The following EPS8L3 variants were observed in gnomAD, a reference collection of about 807,000 sequenced individuals.
The protein encoded by EPS8L3 is epidermal growth factor receptor kinase substrate 8-like protein 3.
EPS8L3 carries 80 observed loss-of-function variants against 88.5 expected under a neutral mutation model. That is an observed-to-expected ratio of 0.90 (90% CI 0.75 to 1.09). The LOEUF is 1.09. Ranked by LOEUF, EPS8L3 falls within the 50% of genes least tolerant of loss-of-function variation. EPS8L3 has a pLI of 0.00. For missense variants in EPS8L3, 721 were observed against 735.2 expected (o/e 0.98, Z 0.22); for synonymous variants, 286 against 291.0 (o/e 0.98, Z 0.18).
rs1215811221 is a variant in EPS8L3, at chr1:109,750,377, G to C, written c.*14C>G. ...TCAGCGGGGCCTGGTTCTTGGAGGT[G>C]TCTAAGCTGGTGCCTAAGGGCTTAT... On this transcript the variant is annotated 3_prime_UTR_variant, in exon 19 of 19. Coordinates refer to ENST00000361965, the MANE Select transcript of EPS8L3 (RefSeq NM_133181.4). The C allele has an allele frequency of 1.2e-6, 2 of 1,613,628 alleles. No homozygotes were observed. Among genetic ancestry groups the C allele is most frequent in the African/African-American group, 2.7e-5 (2 of 74,924 alleles).
At chr1:109,756,365 A>T (rs1207731844) in intron 12 of EPS8L3, among the ~76,000 whole-genome samples, 1 of 152,156 alleles carries the variant, frequency 6.6e-6, no homozygotes, top group Non-Finnish European at 1.5e-5. Flanking sequence ...CAGCCTCCCA[A>T]GTAGCTGGGT....
At position 109,759,732 on chromosome 1, in the gene EPS8L3, G is replaced by A. The variant is rs1004171003; in HGVS notation, c.201C>T (p.Asp67=). Residue 67 remains aspartate, a synonymous_variant, in exon 4 of 19, where the codon GAC becomes GAT. Transcript: ENST00000361965. This position sits in a 1 kb window ranked among gnomAD's most constrained non-coding sequence, Gnocchi z 4.2. ...AGCCGTCCCTGACCTGCAGGATCAA[G>A]TCTTGGCTCCACACCCGGCCCTGTG... ...MDAQGRVWSQ[D]LILQVRDGWL... 3 of 1,614,128 alleles carry A rather than the reference G, an allele frequency of 1.9e-6. No individual in the cohort carries two copies. Among genetic ancestry groups the A allele is most frequent in the Middle Eastern group, 1.6e-4 (1 of 6,062 alleles).
intron 6 of EPS8L3, among the ~76,000 whole-genome samples, 158 bp from the exon 7 acceptor site, chr1:109,758,821 C>T (rs1391529416): frequency 2.6e-5 from 4 of 152,118 alleles, no homozygotes; most frequent in Non-Finnish European, 4.4e-5. Context: ...CTGACTCCAC[C>T]CTGCCTCATC....
chr1:109,759,667 G>T lies in EPS8L3; in HGVS notation c.255+11C>A. The stretch of plus-strand genomic sequence containing the variant: ...AGGCTGGCTATCACTGGGTTTGCTG[G>T]GAAGGCTGACCTTGGTCTCAATGTC... On this transcript the variant is annotated intron_variant, in intron 4 of 18. Transcript: ENST00000361965. The surrounding 1 kb of genome is among the most constrained non-coding windows in gnomAD (Gnocchi z 4.2). 6.2e-7 allele frequency: 1 copy of T among 1,612,612 alleles called. No homozygotes were observed.
At chr1:109,755,235 G>A (rs983781309) in intron 12 of EPS8L3, among the ~76,000 whole-genome samples, 1 of 152,184 alleles carries the variant, frequency 6.6e-6, no homozygotes, top group African/African-American at 2.4e-5. Flanking sequence ...AAGGGTTGAG[G>A]AGTGGGTAAT....
intron 14 of EPS8L3, 126 bp from the exon 15 acceptor site, chr1:109,752,319 G>A (rs756676660): frequency 2.1e-6 from 2 of 965,990 alleles, no homozygotes; most frequent in Non-Finnish European, 3.1e-6. Flanking sequence ...TTTCTTTAGA[G>A]TTTGCTGGCA....
Position 109,758,569 on chromosome 1 carries a change from G to A in EPS8L3, c.556C>T (p.Pro186Ser). The A allele has an allele frequency of 6.2e-7, 1 of 1,613,156 alleles. No homozygotes were observed. The highest frequency in any genetic ancestry group is 8.5e-7 in the Non-Finnish European group (1 of 1,179,428). ...TGGGGCTGTTCTGGAGGGATCCCCGGCTCCAGATAGCGTGCCTGCTCCATA... is the reference window on the plus strand; with the variant it reads ...TGGGGCTGTTCTGGAGGGATCCCCGACTCCAGATAGCGTGCCTGCTCCATA... ...LPMEQARYLEPGIPPEQPHQR... is the reference protein window; with the variant it reads ...LPMEQARYLESGIPPEQPHQR... Residue 186 changes from proline (P) to serine (S), a missense_variant, in exon 7 of 19, where the codon CCG becomes TCG. By Grantham distance (74) the Pro-to-Ser change is moderately conservative. Coordinates refer to ENST00000361965, the MANE Select transcript of EPS8L3 (RefSeq NM_133181.4).
Position 109,752,727 on chromosome 1 carries a change from G to C in EPS8L3, c.1201-7C>G. On this transcript the variant is annotated splice_region_variant and splice_polypyrimidine_tract_variant and intron_variant, in intron 13 of 18. Transcript: ENST00000361965. ...CCTGGTATCCTAAGGGTGCCTGTAAGGGACAGAACAGAGAGTGAGTAAGAG... is the reference window on the plus strand; with the variant it reads ...CCTGGTATCCTAAGGGTGCCTGTAACGGACAGAACAGAGAGTGAGTAAGAG... The C allele has an allele frequency of 2.6e-6, 4 of 1,551,964 alleles. No individual in the cohort carries two copies. The South Asian group carries it at 4.8e-5, about 18-fold the overall frequency.
intron 3 of EPS8L3, chr1:109,761,245 A>C: frequency 1.3e-5 from 6 of 470,662 alleles, no homozygotes; most frequent in Non-Finnish European, 2.3e-5. Flanking sequence ...CTGTCTGGGG[A>C]CAGGACACTC....
chr1:109,751,484 G>T, intron 16 of EPS8L3, 133 bp from the exon 17 acceptor site: 1 of 1,354,680 alleles, frequency 7.4e-7, no homozygotes, highest in South Asian at 1.3e-5. Flanking sequence ...GTCTGGCAGG[G>T]AGCTGGTCTT....
At position 109,757,070 on chromosome 1, in the gene EPS8L3, G is replaced by T. The variant is rs1481022562; in HGVS notation, c.1065C>A (p.Ser355Arg). 6.2e-7 allele frequency: 1 copy of T among 1,614,200 alleles called. No individual in the cohort carries two copies. Among genetic ancestry groups the T allele is most frequent in the Non-Finnish European group, 8.5e-7 (1 of 1,180,036 alleles). ...KAINLLQSCL[S>R]PPESNLWMGL... is the part of the protein sequence containing the mutation. ...CCATCCAAAGGTTACTCTCAGGTGG[G>T]CTTAGACAGGACTGTAGCAGGTTGA... The change falls in exon 12 of 19, where the codon AGC becomes AGA. Residue 355 changes from serine to arginine, a missense_variant. By Grantham distance (110) the Ser-to-Arg change is moderately radical. Coordinates refer to ENST00000361965, the MANE Select transcript of EPS8L3 (RefSeq NM_133181.4).
At chr1:109,760,929 T>G (rs1277853991) in intron 3 of EPS8L3, among the ~76,000 whole-genome samples, 1 of 152,136 alleles carries the variant, frequency 6.6e-6, no homozygotes, top group African/African-American at 2.4e-5. Flanking sequence ...AATCTTGCAG[T>G]GCCTGCATCA....
At chr1:109,760,939 A>G (rs1650859481) in intron 3 of EPS8L3, among the ~76,000 whole-genome samples, 1 of 151,982 alleles carries the variant, frequency 6.6e-6, no homozygotes, top group Admixed American at 6.6e-5. Context: ...TGCCTGCATC[A>G]TCCTCCCTGG....
intron 3 of EPS8L3, 36 bp downstream of exon 3, chr1:109,761,459 A>G: frequency 1.9e-6 from 3 of 1,581,136 alleles, no homozygotes; most frequent in Non-Finnish European, 2.6e-6. Context: ...ACTTGGGTTT[A>G]GTTGGACACT....
Position 109,759,098 on chromosome 1 carries a change from C to T in EPS8L3, c.425G>A (p.Ser142Asn), listed in dbSNP as rs1650614861. 2.5e-6 allele frequency: 4 copies of T among 1,610,786 alleles called. No individual in the cohort carries two copies. In the African/African-American group the frequency reaches 4.0e-5, roughly 16 times the overall value. ...CTCTTCCTCCAGAGCCTTCTGCAGG[C>T]TGGTCTTCAGTCGCTCTGCCTGGGA... is the stretch of plus-strand genomic sequence containing the variant. ...QEVGAERLKT[S>N]LQKALEEELE... Residue 142 changes from serine (S) to asparagine (N), a missense_variant, in exon 6 of 19, where the codon AGC becomes AAC. Ser to Asn is a conservative substitution (Grantham distance 46, BLOSUM62 1). Transcript: ENST00000361965. The surrounding 1 kb of genome is among the most constrained non-coding windows in gnomAD (Gnocchi z 4.2).
intron 15 of EPS8L3, 85 bp downstream of exon 15, chr1:109,751,910 C>G: frequency 6.4e-7 from 1 of 1,564,968 alleles, no homozygotes; most frequent in Non-Finnish European, 8.7e-7. Context: ...ACCTTGGCAG[C>G]TCCATCCCTG....
intron 11 of EPS8L3, 55 bp from the exon 12 acceptor site, chr1:109,757,220 G>A (rs1451650429): frequency 6.6e-7 from 1 of 1,515,382 alleles, no homozygotes; most frequent in African/African-American, 1.4e-5. Flanking sequence ...GGCCCAGTGA[G>A]GGTGGGAAAG....
chr1:109,761,668 T>C lies in EPS8L3; in HGVS notation c.31+51A>G, dbSNP rs572984923. On this transcript the variant is annotated intron_variant, in intron 2 of 18. Transcript: ENST00000361965. ...GGAAGGGGGAGTGGAGGATGGGACATTCTGGGGGCTCAGTGGGAGGGCACG... is the reference window on the plus strand; with the variant it reads ...GGAAGGGGGAGTGGAGGATGGGACACTCTGGGGGCTCAGTGGGAGGGCACG... 7 of 1,611,872 alleles carry C rather than the reference T, an allele frequency of 4.3e-6. No homozygotes were observed. In the South Asian group the frequency reaches 4.4e-5, roughly 10 times the overall value.
At chr1:109,754,697 A>G (rs202011318) in intron 12 of EPS8L3, among the ~76,000 whole-genome samples, 1 of 152,226 alleles carries the variant, frequency 6.6e-6, no homozygotes, top group Non-Finnish European at 1.5e-5. Context: ...TGGTTATTCA[A>G]TGTTAAAGTG....
Sources: allele counts gnomAD v4.1 joint callset (sites outside exome capture counted in the v4.1 genomes callset), GRCh38; gene constraint gnomAD v4.1.1; non-coding constraint Gnocchi (gnomAD v3.1); transcripts MANE v1.5; gene names NCBI Gene and HGNC (gene_info 2026-07-23, HGNC 2026-07-21).